The following EXOC3L2 variants were observed in gnomAD, a reference collection of about 807,000 sequenced individuals.
The protein encoded by EXOC3L2 is exocyst complex component 3 like 2.
EXOC3L2 carries 17 observed loss-of-function variants against 44.4 expected under a neutral mutation model. That is an observed-to-expected ratio of 0.38 (90% CI 0.26 to 0.57). EXOC3L2 has a LOEUF of 0.57. EXOC3L2 is among the 20% of genes least tolerant of loss of function. EXOC3L2 has a pLI of 0.65. For missense variants in EXOC3L2, 541 were observed against 588.4 expected, an observed-to-expected ratio of 0.92 and a Z score of 0.83; for synonymous variants, 256 against 253.7, an observed-to-expected ratio of 1.01 and a Z score of -0.09.
At chr19:45,225,833 G>A (rs1969954104) in intron 7 of EXOC3L2, among the ~76,000 whole-genome samples, 2 of 151,962 alleles carry the variant, frequency 1.3e-5, no homozygotes, top group Admixed American at 6.6e-5. Context: ...ATGTTGGTCA[G>A]GCTGGTCTTG....
At chr19:45,239,949 T>C (rs551535631) in intron 1 of EXOC3L2, among the ~76,000 whole-genome samples, 5 of 152,016 alleles carry the variant, frequency 3.3e-5, no homozygotes, top group Non-Finnish European at 7.4e-5. Context: ...GGCCCTACCA[T>C]CCACCCAGAC....
At chr19:45,226,747 CTTTTTTTTTTT>C (rs957385712) in intron 7 of EXOC3L2, among the ~76,000 whole-genome samples, 2 of 90,670 alleles carry the variant, frequency 2.2e-5, no homozygotes, top group Non-Finnish European at 3.9e-5. Flanking sequence ...ACTCCCATCT[CTTTTTTTTTTT>C]TTTTTTTTTT....
chr19:45,215,071 G>A (rs1159603408), intron 11 of EXOC3L2, among the ~76,000 whole-genome samples: 2 of 151,982 alleles, frequency 1.3e-5, no homozygotes, highest in Non-Finnish European at 2.9e-5. Context: ...TCTTGAACCC[G>A]GGAGGCAGAG....
chr19:45,243,634 T>C (rs916433987), intron 1 of EXOC3L2, among the ~76,000 whole-genome samples: 1 of 152,110 alleles, frequency 6.6e-6, no homozygotes, highest in African/African-American at 2.4e-5. Flanking sequence ...CTCTTCTATT[T>C]TATTTTATTT....
In EXOC3L2 at chr19:45,228,018, C is replaced by A. The variant is rs1489694595; in HGVS notation, c.1428G>T (p.Arg476=). Residue 476 remains arginine, a synonymous_variant, in exon 6 of 12, where the codon CGG becomes CGT. Transcript: ENST00000413988. The part of the protein sequence containing the change: ...APRISQEFGE[R]MAHCCLGGLA... ...GCCCGCCTAGGCAGCAGTGGGCCATCCGCTCCCCAAACTCCTGGCTGATGC... is the reference window on the plus strand; with the variant it reads ...GCCCGCCTAGGCAGCAGTGGGCCATACGCTCCCCAAACTCCTGGCTGATGC... 1 of 1,614,116 alleles carries A rather than the reference C, an allele frequency of 6.2e-7. No homozygotes were observed. Among genetic ancestry groups the A allele is most frequent in the Admixed American group, 1.7e-5 (1 of 60,016 alleles).
rs1172716190 is a variant in EXOC3L2 at position 45,238,140 on chromosome 19, A to G, written c.523+383T>C. On this transcript the variant is annotated intron_variant, in intron 2 of 11. Transcript: ENST00000413988. The surrounding 1 kb of genome is among the most constrained non-coding windows in gnomAD (Gnocchi z 5.5). ...GCGACAGAGGCAAAAAAATAATAAT[A>G]ATAAAATAAATAAAATAAAGAAATT... Among the ~76,000 whole-genome samples the G allele has an allele frequency of 3.9e-5, 6 of 152,060 alleles. No individual in the cohort carries two copies. Among genetic ancestry groups the G allele is most frequent in the African/African-American group, 9.7e-5 (4 of 41,410 alleles).
intron 8 of EXOC3L2, among the ~76,000 whole-genome samples, chr19:45,221,303 C>A (rs12978573): frequency 1.3e-5 from 2 of 151,648 alleles, no homozygotes; most frequent in African/African-American, 4.8e-5. Context: ...CACAGCCTCC[C>A]AAAGTGCTGG....
At chr19:45,236,261 T>C (rs966767060) in intron 2 of EXOC3L2, among the ~76,000 whole-genome samples, 19 of 150,530 alleles carry the variant, frequency 1.3e-4, no homozygotes, top group Non-Finnish European at 2.5e-4. Context: ...AGGTCAGGAG[T>C]TCAAGACCAG....
intron 9 of EXOC3L2, 87 bp from the exon 10 acceptor site, chr19:45,217,770 C>T (rs1338227927): frequency 2.2e-6 from 3 of 1,359,892 alleles, no homozygotes; most frequent in Middle Eastern, 2.7e-4. Flanking sequence ...CCCCGCCCCA[C>T]TCGCCCACAT....
rs1376670639 is a variant in EXOC3L2, at chr19:45,212,918, A to G, written c.*151T>C. 2 of 863,792 alleles carry G rather than the reference A, an allele frequency of 2.3e-6. No homozygotes were observed. The highest frequency in any genetic ancestry group is 2.3e-5 in the South Asian group (1 of 42,926). The allele number at this position is 863,792 out of a possible 1,614,324, so 53.5% of individuals were successfully genotyped here. Reference sequence around the variant, plus strand: ...CCTGGCGTTTGTTTCCCTTCTGTACAGGGAGTTTGGGGTTGGGTGAAAAGA... The same window carrying G: ...CCTGGCGTTTGTTTCCCTTCTGTACGGGGAGTTTGGGGTTGGGTGAAAAGA... On this transcript the variant is annotated 3_prime_UTR_variant, in exon 12 of 12. Coordinates refer to ENST00000413988, the MANE Select transcript of EXOC3L2 (RefSeq NM_001382422.1).
chr19:45,213,706 G>A (rs1376901478), intron 11 of EXOC3L2, among the ~76,000 whole-genome samples: 3 of 151,900 alleles, frequency 2.0e-5, no homozygotes, highest in Admixed American at 6.6e-5. Context: ...GCACTTTGGG[G>A]GGCCAAGGCA....
rs1970059497 is a variant in EXOC3L2 at position 45,234,255 on chromosome 19, A to G, written c.1095T>C (p.Arg365=). 2 of 395,978 alleles carry G rather than the reference A, an allele frequency of 5.1e-6. No homozygotes were observed. The highest frequency in any genetic ancestry group is 8.9e-6 in the Non-Finnish European group (2 of 224,348). The allele number at this position is 395,978 out of a possible 1,614,324, so 24.5% of individuals were successfully genotyped here. A position where few individuals can be genotyped will look rare whatever the true frequency, so the allele number is the denominator to read the frequency against. The change falls in exon 3 of 12, where the codon CGT becomes CGC. Residue 365 remains arginine (R), a synonymous_variant. Transcript: ENST00000413988. This position sits in a 1 kb window ranked among gnomAD's most constrained non-coding sequence, Gnocchi z 5.0. ...ALAEWLGASA[R]RRLPLADRYA... ...AGCGGTCGGCCAGCGGCAGCCTGCG[A>G]CGGGCGGAGGCCCCCAGCCACTCGG...
intron 2 of EXOC3L2, among the ~76,000 whole-genome samples, chr19:45,235,976 A>T (rs1970080409): frequency 6.6e-6 from 1 of 151,896 alleles, no homozygotes. Flanking sequence ...GGATTGGGAC[A>T]CGGATGGGGA....
intron 4 of EXOC3L2, 123 bp from the exon 5 acceptor site, chr19:45,228,389 G>C (rs942714955): frequency 3.7e-6 from 3 of 805,576 alleles, no homozygotes; most frequent in Non-Finnish European, 5.8e-6. Context: ...TTCTACCTAT[G>C]AGCTTGTCAA....
In EXOC3L2 at chr19:45,213,262, G is replaced by C; in HGVS notation, c.2216C>G (p.Ser739Cys). The C allele has an allele frequency of 6.2e-7, 1 of 1,613,774 alleles. No individual in the cohort carries two copies. The highest frequency in any genetic ancestry group is 2.2e-5 in the East Asian group (1 of 44,818). The change falls in exon 12 of 12, where the codon TCT becomes TGT. Residue 739 changes from serine (S) to cysteine (C), a missense_variant. Coordinates refer to ENST00000413988, the MANE Select transcript of EXOC3L2 (RefSeq NM_001382422.1). The stretch of plus-strand genomic sequence containing the variant: ...AGGGGGTGACAGGGCTCCCTCCTCA[G>C]AGAGTTCCAGGTCCCGGGCCACGGC... ...ILAVARDLEL[S>C]EEGALSPPRD...
chr19:45,242,605 T>C (rs1369150847), intron 1 of EXOC3L2, among the ~76,000 whole-genome samples: 2 of 151,830 alleles, frequency 1.3e-5, no homozygotes, highest in East Asian at 3.9e-4. Flanking sequence ...CTCACGCCTA[T>C]AATCCCAGCA....
chr19:45,230,619 G>T (rs1392549602), intron 4 of EXOC3L2, among the ~76,000 whole-genome samples: 1 of 152,144 alleles, frequency 6.6e-6, no homozygotes, highest in Non-Finnish European at 1.5e-5. Flanking sequence ...AAAGTGCTGG[G>T]ATTACAGGTG....
At chr19:45,237,009 GAA>G (rs796623483) in intron 2 of EXOC3L2, among the ~76,000 whole-genome samples, 7 of 122,512 alleles carry the variant, frequency 5.7e-5, no homozygotes, top group Admixed American at 1.7e-4. Flanking sequence ...TGTCTCAAAG[GAA>G]AAAAAAAAAA....
intron 8 of EXOC3L2, among the ~76,000 whole-genome samples, chr19:45,221,704 A>G (rs1162322448): frequency 7.2e-6 from 1 of 138,188 alleles, no homozygotes; most frequent in Non-Finnish European, 1.5e-5. Flanking sequence ...CTGGAGTGCT[A>G]CGGTGTGAAC....
Sources: allele counts gnomAD v4.1 joint callset (sites outside exome capture counted in the v4.1 genomes callset), GRCh38; gene constraint gnomAD v4.1.1; non-coding constraint Gnocchi (gnomAD v3.1); transcripts MANE v1.5; gene names NCBI Gene and HGNC (gene_info 2026-07-23, HGNC 2026-07-21).